Variants in CFAP47 observed in about 807,000 individuals in gnomAD.
The protein encoded by CFAP47 is cilia and flagella associated protein 47.
CFAP47 carries 29 observed loss-of-function variants against 148.1 expected under a neutral mutation model. The observed-to-expected ratio is 0.20, with a 90% CI of 0.15 to 0.27. The LOEUF (loss-of-function observed/expected upper bound fraction) is 0.27, where lower values mean the gene tolerates loss of function less well. Among genes scored for constraint, CFAP47 ranks in the 10% least tolerant of loss-of-function variants. The probability of loss-of-function intolerance (pLI) is 1.00; values close to 1 mark genes in which losing one functional copy is unlikely to be tolerated. For missense variants in CFAP47, 1,872 were observed against 1,697.5 expected (o/e 1.10, Z -1.81); for synonymous variants, 664 against 577.3 (o/e 1.15, Z -2.15).
At chrX:36,180,494 C>A (rs1569282368) in intron 40 of CFAP47, among the ~76,000 whole-genome samples, 1 of 111,803 alleles carries the variant, frequency 8.9e-6, no homozygotes, top group African/African-American at 3.2e-5. Flanking sequence ...CTTTTAGATC[C>A]AAAAATGTAT....
Position 36,133,778 on chromosome X carries a change from G to A in CFAP47, c.5321-4180G>A, listed in dbSNP as rs766683202. Among the ~76,000 whole-genome samples the A allele has an allele frequency of 3.8e-5, 4 of 105,440 alleles. No homozygotes were observed. In the Admixed American group the frequency reaches 4.1e-4, roughly 11 times the overall value. 91.6% of individuals were successfully genotyped at this position (105,440 alleles called of 115,157 possible). A position where few individuals can be genotyped will look rare whatever the true frequency, so the allele number is the denominator to read the frequency against. ...CAGATACTGTCCCCCAAAGGGCTCT[G>A]GTGAATACTCATTGCAGTTTAAAAA... On this transcript the variant is annotated intron_variant, in intron 33 of 63. Transcript: ENST00000378653.
Position 36,154,706 on chromosome X carries a change from G to A in CFAP47, c.5787-4720G>A, listed in dbSNP as rs1171795879. The stretch of plus-strand genomic sequence containing the variant: ...AGGCTTTACCAGAATCACCCTTTTA[G>A]GTAATTTCTAAGAATGTTCAAGCTT... On this transcript the variant is annotated intron_variant, in intron 37 of 63. Coordinates refer to ENST00000378653, the MANE Select transcript of CFAP47 (RefSeq NM_001304548.2). 2.7e-5 allele frequency among the ~76,000 whole-genome samples: 3 copies of A among 110,689 alleles called. No individual in the cohort carries two copies. The East Asian group carries it at 8.5e-4, about 32-fold the overall frequency.
chrX:36,104,577 A>G lies in CFAP47; in HGVS notation c.5206A>G (p.Asn1736Asp). The change falls in exon 33 of 64, where the codon AAT (asparagine) becomes GAT (aspartate). Residue 1736 changes from asparagine to aspartate, a missense_variant. By Grantham distance (23) the Asn-to-Asp change is conservative. Coordinates refer to ENST00000378653, the MANE Select transcript of CFAP47 (RefSeq NM_001304548.2). ...ATGTGTGCAAAATACACCAAAAGTCAATCCTTGTTTTGCATCCAGCAACAT... is the reference window on the plus strand; with the variant it reads ...ATGTGTGCAAAATACACCAAAAGTCGATCCTTGTTTTGCATCCAGCAACAT... ...PICVQNTPKV[N>D]PCFASSNIYS... is the part of the protein sequence containing the mutation. 4 of 993,055 alleles carry G rather than the reference A, an allele frequency of 4.0e-6. No homozygotes were observed. Among genetic ancestry groups the G allele is most frequent in the Non-Finnish European group, 5.7e-6 (4 of 704,544 alleles). 81.8% of individuals were successfully genotyped at this position (993,055 alleles called of 1,213,427 possible). A position where few individuals can be genotyped will look rare whatever the true frequency, so the allele number is the denominator to read the frequency against.
chrX:36,174,707 G>A (rs1460289841), intron 39 of CFAP47, among the ~76,000 whole-genome samples: 7 of 110,681 alleles, frequency 6.3e-5, no homozygotes, highest in Admixed American at 9.5e-5. Context: ...AGGGTAACCC[G>A]ACCTTTCTCT....
At chrX:36,371,688 G>A (rs1230803706) in intron 62 of CFAP47, among the ~76,000 whole-genome samples, 1 of 67,379 alleles carries the variant, frequency 1.5e-5, no homozygotes, top group African/African-American at 6.7e-5. Flanking sequence ...ATATATGTGT[G>A]TATATACACA....
intron 15 of CFAP47, among the ~76,000 whole-genome samples, chrX:35,978,786 C>A (rs752957008): frequency 3.6e-4 from 40 of 111,449 alleles, no homozygotes; most frequent in Non-Finnish European, 4.0e-4. Flanking sequence ...TTTTCTTGTG[C>A]TGTATCAGTT....
chrX:36,189,269 T>C (rs1385404898), intron 41 of CFAP47, among the ~76,000 whole-genome samples: 2 of 110,953 alleles, frequency 1.8e-5, no homozygotes, highest in Non-Finnish European at 3.8e-5. Context: ...AAATGGAGGC[T>C]GGGGCTTGAG....
intron 30 of CFAP47, among the ~76,000 whole-genome samples, chrX:36,094,731 T>C (rs1938244496): frequency 9.0e-6 from 1 of 111,343 alleles, no homozygotes; most frequent in African/African-American, 3.3e-5. Context: ...TTTTGTACTC[T>C]GCAACTTTAC....
intron 26 of CFAP47, among the ~76,000 whole-genome samples, chrX:36,065,378 A>G (rs1002126635): frequency 1.5e-4 from 17 of 111,662 alleles, no homozygotes; most frequent in African/African-American, 4.2e-4. Flanking sequence ...ACTTTCCTGA[A>G]TCTGTGTTTT....
intron 60 of CFAP47, among the ~76,000 whole-genome samples, chrX:36,359,345 T>A (rs1367120505): frequency 9.0e-6 from 1 of 111,710 alleles, no homozygotes; most frequent in Non-Finnish European, 1.9e-5. Context: ...CTATTTTATA[T>A]CATAATATAG....
intron 49 of CFAP47, among the ~76,000 whole-genome samples, chrX:36,268,050 C>A (rs1556001315): frequency 8.9e-6 from 1 of 112,900 alleles, no homozygotes; most frequent in Non-Finnish European, 1.9e-5. Context: ...GTTGTACTCA[C>A]ATGATTGTCT....
Position 35,927,596 on chromosome X carries a change from G to GGTGTGT in CFAP47, c.401+1445_401+1450dup, listed in dbSNP as rs371527797. Among the ~76,000 whole-genome samples the GGTGTGT allele has an allele frequency of 4.5e-3, 477 of 106,281 alleles. 2 individuals carry two copies. Among genetic ancestry groups the GGTGTGT allele is most frequent in the African/African-American group, 0.015 (431 of 29,015 alleles). The allele number at this position is 106,281 out of a possible 115,157, so 92.3% of individuals were successfully genotyped here. ...GGTGTGATGGACAGGGTTGAAGGAA[G>GGTGTGT]GTGTGTGTGTGTGTGTGTGTGTATG... On this transcript the variant is annotated intron_variant, in intron 2 of 63. Transcript: ENST00000378653.
chrX:36,254,223 A>C (rs1305441835), intron 49 of CFAP47, among the ~76,000 whole-genome samples: 1 of 111,380 alleles, frequency 9.0e-6, no homozygotes, highest in East Asian at 2.8e-4. Flanking sequence ...AACCTTGAAG[A>C]ATATGGCAGA....
At chrX:35,960,845 T>C (rs891946772) in intron 8 of CFAP47, among the ~76,000 whole-genome samples, 6 of 111,425 alleles carry the variant, frequency 5.4e-5, no homozygotes, top group African/African-American at 2.0e-4. Context: ...CTGGATTCAT[T>C]TTATTAACTT....
intron 1 of CFAP47, among the ~76,000 whole-genome samples, chrX:35,924,251 A>G (rs889339681): frequency 1.3e-5 from 1 of 77,375 alleles, no homozygotes; most frequent in Non-Finnish European, 2.2e-5. Context: ...ATGTGTGCAT[A>G]TGGACATGTA....
intron 27 of CFAP47, among the ~76,000 whole-genome samples, chrX:36,071,217 A>G (rs1369575719): frequency 7.1e-5 from 8 of 112,399 alleles, no homozygotes; most frequent in Non-Finnish European, 7.5e-5. Context: ...TAAATTGCAT[A>G]TGTATTTTGA....
intron 29 of CFAP47, among the ~76,000 whole-genome samples, chrX:36,082,456 C>A (rs769237886): frequency 2.7e-5 from 3 of 111,766 alleles, no homozygotes; most frequent in African/African-American, 6.5e-5. Flanking sequence ...ATAGTCTATT[C>A]TTTTCAAGCT....
At chrX:36,376,125 C>T (rs1942020906) in intron 62 of CFAP47, among the ~76,000 whole-genome samples, 1 of 112,185 alleles carries the variant, frequency 8.9e-6, no homozygotes, top group African/African-American at 3.2e-5. Context: ...TTAGTCTTCA[C>T]AGACTGGCTT....
intron 62 of CFAP47, among the ~76,000 whole-genome samples, chrX:36,368,836 G>T (rs1384791494): frequency 9.0e-6 from 1 of 111,108 alleles, no homozygotes; most frequent in Non-Finnish European, 1.9e-5. Flanking sequence ...TCAATAAATG[G>T]TATTGTTATT....
Sources: allele counts gnomAD v4.1 joint callset (sites outside exome capture counted in the v4.1 genomes callset), GRCh38; gene constraint gnomAD v4.1.1; transcripts MANE v1.5; gene names NCBI Gene and HGNC (gene_info 2026-07-23, HGNC 2026-07-21).